Variants in DNAH10 observed in about 807,000 individuals in gnomAD.
DNAH10 encodes axonemal beta dynein heavy chain 10.
A neutral mutation model predicts 506.6 loss-of-function variants in DNAH10; 348 were observed. The observed-to-expected ratio is 0.69, with a 90% CI of 0.63 to 0.75. The LOEUF is 0.75. Ranked by LOEUF, DNAH10 falls within the 30% of genes least tolerant of loss-of-function variation. DNAH10 has a pLI of 0.00. For missense variants in DNAH10, 5,179 were observed against 5,787.1 expected (o/e 0.89, Z 3.41); for synonymous variants, 2,059 against 2,198.6 (o/e 0.94, Z 1.78).
Position 123,875,251 on chromosome 12 carries a change from G to T in DNAH10, c.7959G>T (p.Gln2653His). 1 of 1,611,196 alleles carries T rather than the reference G, an allele frequency of 6.2e-7. No individual in the cohort carries two copies. The highest frequency in any genetic ancestry group is 8.5e-7 in the Non-Finnish European group (1 of 1,178,520). The change falls in exon 47 of 79, where the codon CAG becomes CAT. Residue 2653 changes from glutamine (Q) to histidine (H), a missense_variant. Around this residue, in one of 3 missense-constraint regions of DNAH10, gnomAD observed 4,844 missense variants for 5,430.5 expected, o/e 0.89. Coordinates refer to ENST00000673944, the MANE Select transcript of DNAH10 (RefSeq NM_001372106.1). ...TCAAGGTGGATGAATATGGCACGCA[G>T]CAGCCCATTGCCTTGCTGAAGCTGC... The part of the protein sequence containing the change: ...NMPRVDEYGT[Q>H]QPIALLKLLL...
intron 17 of DNAH10, 48 bp downstream of exon 17, chr12:123,803,873 A>G: frequency 6.5e-7 from 1 of 1,547,344 alleles, no homozygotes; most frequent in Non-Finnish European, 8.8e-7. Flanking sequence ...ATGAGAACAT[A>G]TATTGTATAT....
At chr12:123,799,790 G>C (rs1434911727) in intron 14 of DNAH10, among the ~76,000 whole-genome samples, 1 of 152,068 alleles carries the variant, frequency 6.6e-6, no homozygotes, top group African/African-American at 2.4e-5. Flanking sequence ...GTGAATGCTC[G>C]ATAAACGAAC....
intron 24 of DNAH10, among the ~76,000 whole-genome samples, chr12:123,824,205 T>A (rs1368963292): frequency 6.6e-6 from 1 of 151,916 alleles, no homozygotes; most frequent in Non-Finnish European, 1.5e-5. Context: ...GGATGTGGGA[T>A]GTAAGAGCAA....
Position 123,857,187 on chromosome 12 carries a change from C to T in DNAH10, c.6570C>T (p.Asp2190=). Reference sequence around the variant, plus strand: ...ACTGCCCTCGCGTCCGCTACCCTGACTTCAACGATGCGGTAGAGCAGGTCC... The same window carrying T: ...ACTGCCCTCGCGTCCGCTACCCTGATTTCAACGATGCGGTAGAGCAGGTCC... The part of the protein sequence containing the change: ...GLDCPRVRYP[D]FNDAVEQVLE... The change falls in exon 37 of 79, where the codon GAC becomes GAT. Residue 2190 remains aspartate (D), a synonymous_variant. Transcript: ENST00000673944. 6.2e-7 allele frequency: 1 copy of T among 1,609,582 alleles called. No individual in the cohort carries two copies. The highest frequency in any genetic ancestry group is 8.5e-7 in the Non-Finnish European group (1 of 1,177,996).
intron 77 of DNAH10, chr12:123,934,119 C>T (rs752381994): frequency 7.9e-5 from 49 of 623,046 alleles, no homozygotes; most frequent in South Asian, 3.6e-4. Flanking sequence ...GGCAGGTGTC[C>T]GGGCCACCAC....
chr12:123,896,148 C>CACACAGAGAGAGAG (rs1383690518), intron 54 of DNAH10, among the ~76,000 whole-genome samples: 12 of 95,316 alleles, frequency 1.3e-4, no homozygotes, highest in African/African-American at 2.6e-4. Context: ...CACACACACA[C>CACACAGAGAGAGAG]AGAGAGAGAG....
At chr12:123,774,881 G>T (rs1356148655) in intron 5 of DNAH10, among the ~76,000 whole-genome samples, 1 of 152,192 alleles carries the variant, frequency 6.6e-6, no homozygotes, top group Non-Finnish European at 1.5e-5. Flanking sequence ...AGATTTTGGG[G>T]TCTTGCTCCC....
At chr12:123,774,039 A>C in intron 4 of DNAH10, 110 bp from the exon 5 acceptor site, 1 of 738,826 alleles carries the variant, frequency 1.4e-6, no homozygotes, top group South Asian at 1.8e-5. Flanking sequence ...TAACCAGAAC[A>C]TTCCTTGTAG....
intron 30 of DNAH10, among the ~76,000 whole-genome samples, chr12:123,843,145 T>C (rs1950829246): frequency 6.6e-6 from 1 of 152,262 alleles, no homozygotes; most frequent in South Asian, 2.1e-4. Context: ...TGCAGCCTGA[T>C]GGACTGAAAA....
chr12:123,813,718 G>C (rs374028263), intron 20 of DNAH10, 36 bp from the exon 21 acceptor site: 50 of 1,612,414 alleles, frequency 3.1e-5, no homozygotes, highest in Non-Finnish European at 4.2e-5. Context: ...TGTTTTTTCT[G>C]TGTTTGCTTA....
intron 51 of DNAH10, among the ~76,000 whole-genome samples, chr12:123,884,780 T>TCA (rs1795443180): frequency 6.6e-6 from 1 of 152,246 alleles, no homozygotes; most frequent in Admixed American, 6.5e-5. Context: ...CTCATTTCTC[T>TCA]CCCTCTAAAT....
chr12:123,931,887 G>A (rs748833923), intron 75 of DNAH10, 40 bp downstream of exon 75: 6 of 1,612,576 alleles, frequency 3.7e-6, no homozygotes, highest in Non-Finnish European at 5.1e-6. Context: ...GCCTAGATAC[G>A]TGGCACCTGG....
chr12:123,921,690 A>ATTTTTT (rs1566107321), intron 65 of DNAH10, among the ~76,000 whole-genome samples: 35 of 98,234 alleles, frequency 3.6e-4, no homozygotes, highest in African/African-American at 1.2e-3. Context: ...TGTAGCTTGC[A>ATTTTTT]GTTTTTTTTT....
At position 123,875,485 on chromosome 12, in the gene DNAH10, C is replaced by T. The variant is rs11834289; in HGVS notation, c.8193C>T (p.His2731=). 38,288 of 1,613,474 alleles carry T rather than the reference C, an allele frequency of 0.024. 2,695 individuals carry two copies. The African/African-American group carries it at 0.25, about 11-fold the overall frequency. The change falls in exon 47 of 79, where the codon CAC becomes CAT. Residue 2731 remains histidine, a synonymous_variant. Coordinates refer to ENST00000673944, the MANE Select transcript of DNAH10 (RefSeq NM_001372106.1). ...TTTATTCCTCCATCCTGAAAGGCCA[C>T]ACCTCGGTAACTTGATTTTAACTAG... ...HLIYSSILKG[H]TSTFHESIVA...
Position 123,918,621 on chromosome 12 carries a change from C to T in DNAH10, c.11233-55C>T, listed in dbSNP as rs115735700. On this transcript the variant is annotated intron_variant, in intron 64 of 78. Coordinates refer to ENST00000673944, the MANE Select transcript of DNAH10 (RefSeq NM_001372106.1). ...TCTGCTGTCCCCCTGCCCCTCCTGC[C>T]CTCTGCCCACATCTCAGTCTTCCTG... 1,492 of 1,521,572 alleles carry T rather than the reference C, an allele frequency of 9.8e-4. 9 individuals carry two copies. In the African/African-American group the frequency reaches 0.016, roughly 16 times the overall value. 94.3% of individuals were successfully genotyped at this position (1,521,572 alleles called of 1,614,324 possible).
At chr12:123,930,171 T>G in intron 72 of DNAH10, 1 of 517,326 alleles carries the variant, frequency 1.9e-6, no homozygotes, top group Non-Finnish European at 3.3e-6. Flanking sequence ...CTCCCAACAC[T>G]TCCTGAGGGC....
chr12:123,855,305 A>T (rs543661716), intron 36 of DNAH10, among the ~76,000 whole-genome samples: 1 of 152,200 alleles, frequency 6.6e-6, no homozygotes, highest in East Asian at 1.9e-4. Flanking sequence ...TGAGTTCAGA[A>T]TTTTGTTTTT....
chr12:123,914,073 G>T (rs1294452522), intron 60 of DNAH10, among the ~76,000 whole-genome samples: 1 of 152,214 alleles, frequency 6.6e-6, no homozygotes, highest in Non-Finnish European at 1.5e-5. Context: ...CACGCAATGT[G>T]ATTACTGCTT....
intron 21 of DNAH10, among the ~76,000 whole-genome samples, chr12:123,818,170 C>T (rs964907942): frequency 1.3e-5 from 2 of 152,046 alleles, no homozygotes; most frequent in African/African-American, 2.4e-5. Flanking sequence ...TGGTCTTGAA[C>T]GCCTGACCTC....
Sources: allele counts gnomAD v4.1 joint callset (sites outside exome capture counted in the v4.1 genomes callset), GRCh38; gene constraint gnomAD v4.1.1; regional missense constraint gnomAD v4.1.1; transcripts MANE v1.5; gene names NCBI Gene and HGNC (gene_info 2026-07-23, HGNC 2026-07-21).